The following GRHL2 variants were observed in gnomAD, a reference collection of about 807,000 sequenced individuals.
The protein encoded by GRHL2 is grainyhead-like protein 2 homolog.
A neutral mutation model predicts 83.8 loss-of-function variants in GRHL2; 21 were observed. That is an observed-to-expected ratio of 0.25 (90% CI 0.18 to 0.36). The LOEUF is 0.36. Ranked by LOEUF, GRHL2 falls within the 10% of genes least tolerant of loss-of-function variation. GRHL2 has a pLI of 1.00. For synonymous variants in GRHL2, 280 were observed against 278.9 expected, an observed-to-expected ratio of 1.00 and a Z score of -0.04; for missense variants, 623 against 781.8, an observed-to-expected ratio of 0.80 and a Z score of 2.42.
intron 4 of GRHL2, among the ~76,000 whole-genome samples, chr8:101,564,282 G>C (rs1255605445): frequency 6.6e-6 from 1 of 152,158 alleles, no homozygotes; most frequent in Non-Finnish European, 1.5e-5. Context: ...AGTGATTTCA[G>C]AGTAATTTCA....
chr8:101,644,999 C>T (rs1813480977), intron 13 of GRHL2, among the ~76,000 whole-genome samples: 3 of 152,138 alleles, frequency 2.0e-5, no homozygotes, highest in Non-Finnish European at 4.4e-5. Flanking sequence ...AGGCATGCAC[C>T]ACCATGTCTG....
At chr8:101,662,505 G>C (rs904835658) in intron 14 of GRHL2, among the ~76,000 whole-genome samples, 1 of 152,168 alleles carries the variant, frequency 6.6e-6, no homozygotes, top group African/African-American at 2.4e-5. Flanking sequence ...CTCTGCTCTA[G>C]ACCTCTTCAG....
In GRHL2 at chr8:101,612,568, G is replaced by A. The variant is rs1292701257; in HGVS notation, c.1099-6971G>A. ...ACATACATACATAGATATTGATGAA[G>A]ATATTCATGCTGAATATATAGTTGA... On this transcript the variant is annotated intron_variant, in intron 8 of 15. Coordinates refer to ENST00000646743, the MANE Select transcript of GRHL2 (RefSeq NM_024915.4). Among the ~76,000 whole-genome samples, 2 of 143,666 alleles carry A rather than the reference G, an allele frequency of 1.4e-5. 1 individual carries two copies. The highest frequency in any genetic ancestry group is 5.2e-5 in the African/African-American group (2 of 38,526). The allele number at this position is 143,666 out of a possible 152,430, so 94.3% of individuals were successfully genotyped here.
At position 101,558,657 on chromosome 8, in the gene GRHL2, C is replaced by A. The variant is rs1312356038; in HGVS notation, c.523C>A (p.Pro175Thr). The A allele has an allele frequency of 6.2e-7, 1 of 1,614,176 alleles. No homozygotes were observed. The highest frequency in any genetic ancestry group is 2.2e-5 in the East Asian group (1 of 44,880). Reference protein sequence around the residue: ...PVFMAPPVHYPRGDGEEQRVV... With the variant: ...PVFMAPPVHYTRGDGEEQRVV... ...TTTCATGGCCCCACCTGTGCACTAT[C>A]CCCGGGGAGATGGGGAAGAGCAACG... is the stretch of plus-strand genomic sequence containing the variant. Residue 175 changes from proline (P) to threonine (T), a missense_variant, in exon 4 of 16, where the codon CCC becomes ACC. By Grantham distance (38) the Pro-to-Thr change is conservative (BLOSUM62 -1). This residue lies in a region of GRHL2 where 239 missense variants were observed against 240.5 expected (regional missense o/e 0.99). Transcript: ENST00000646743.
chr8:101,652,425 G>GT (rs1714942746), intron 14 of GRHL2, among the ~76,000 whole-genome samples: 1 of 59,226 alleles, frequency 1.7e-5, no homozygotes, highest in Non-Finnish European at 3.1e-5. Flanking sequence ...GTGTGTGTGT[G>GT]GTGTGTGTGT....
At chr8:101,638,740 T>A (rs895519481) in intron 12 of GRHL2, among the ~76,000 whole-genome samples, 1 of 152,224 alleles carries the variant, frequency 6.6e-6, no homozygotes, top group Admixed American at 6.5e-5. Context: ...CTTTTTATCT[T>A]GGCACATAGA....
intron 8 of GRHL2, among the ~76,000 whole-genome samples, chr8:101,600,714 A>G (rs920158813): frequency 2.6e-5 from 4 of 152,222 alleles, no homozygotes; most frequent in Non-Finnish European, 5.9e-5. Context: ...TGCAGCCAGC[A>G]TCATGCTGAG....
At chr8:101,510,104 C>T (rs1398478314) in intron 1 of GRHL2, among the ~76,000 whole-genome samples, 1 of 152,154 alleles carries the variant, frequency 6.6e-6, no homozygotes, top group Non-Finnish European at 1.5e-5. Flanking sequence ...GATCTTCCCA[C>T]CTCAACCTCT....
chr8:101,580,982 C>A (rs890106554), intron 7 of GRHL2, among the ~76,000 whole-genome samples: 3 of 152,208 alleles, frequency 2.0e-5, no homozygotes, highest in Non-Finnish European at 4.4e-5. Context: ...GGATTATAGG[C>A]GTAAGCCACT....
intron 1 of GRHL2, among the ~76,000 whole-genome samples, chr8:101,506,986 G>A (rs906038688): frequency 2.0e-5 from 3 of 152,154 alleles, no homozygotes; most frequent in Non-Finnish European, 4.4e-5. Flanking sequence ...GAGGGAACTT[G>A]GCTGAGGGGG....
intron 7 of GRHL2, among the ~76,000 whole-genome samples, chr8:101,589,198 T>G (rs184803052): frequency 6.6e-6 from 1 of 152,360 alleles, no homozygotes; most frequent in Admixed American, 6.5e-5. Context: ...AAGCACAGTT[T>G]GCATTTTCAT....
Position 101,521,820 on chromosome 8 carries a change from A to G in GRHL2, c.21-21421A>G, listed in dbSNP as rs900619407. Among the ~76,000 whole-genome samples the G allele has an allele frequency of 2.9e-4, 44 of 152,254 alleles. 1 individual carries two copies. Among genetic ancestry groups the G allele is most frequent in the Non-Finnish European group, 6.2e-4 (42 of 68,050 alleles). On this transcript the variant is annotated intron_variant, in intron 1 of 15. Coordinates refer to ENST00000646743, the MANE Select transcript of GRHL2 (RefSeq NM_024915.4). ...AATGTAATTTTTTGTTAGCTTTTAG[A>G]GAACGCTGTGGTAATAAGCTGACTT...
chr8:101,658,357 C>T (rs758896630), intron 14 of GRHL2, among the ~76,000 whole-genome samples: 2 of 152,200 alleles, frequency 1.3e-5, no homozygotes, highest in Non-Finnish European at 2.9e-5. Context: ...AATTCTGTCT[C>T]TGCCACTTAC....
rs1814143844 is a variant in GRHL2 at position 101,669,032 on chromosome 8, C to G, written c.*2329C>G. On this transcript the variant is annotated 3_prime_UTR_variant, in exon 16 of 16. Coordinates refer to ENST00000646743, the MANE Select transcript of GRHL2 (RefSeq NM_024915.4). ...GAGGGTGGTGCCAAGTGCCACATCC[C>G]TTCCGATCCATTCCCCTCTGCATCC... 2 of 152,204 alleles carry G rather than the reference C, an allele frequency of 1.3e-5. No homozygotes were observed. The allele number at this position is 152,204 out of a possible 1,614,324, so 9.4% of individuals were successfully genotyped here.
At chr8:101,546,370 A>T (rs934908156) in intron 2 of GRHL2, among the ~76,000 whole-genome samples, 2 of 151,718 alleles carry the variant, frequency 1.3e-5, no homozygotes, top group Admixed American at 1.3e-4. Context: ...TTTTTGTGTT[A>T]GTGAGAAAGA....
chr8:101,657,944 TAGAA>T (rs1161398612), intron 14 of GRHL2, among the ~76,000 whole-genome samples: 1 of 152,112 alleles, frequency 6.6e-6, no homozygotes, highest in Non-Finnish European at 1.5e-5. Context: ...TTTCCATTCA[TAGAA>T]GGAAGGATTG....
intron 14 of GRHL2, among the ~76,000 whole-genome samples, chr8:101,652,588 C>CA (rs1813692307): frequency 5.6e-5 from 1 of 17,944 alleles, no homozygotes; most frequent in East Asian, 1.4e-3. Flanking sequence ...TGTGTGGTGT[C>CA]TGTGTGTGTG....
intron 8 of GRHL2, among the ~76,000 whole-genome samples, chr8:101,608,022 G>T (rs1812665657): frequency 6.6e-6 from 1 of 152,208 alleles, no homozygotes; most frequent in Admixed American, 6.5e-5. Context: ...ATTGTGCAGA[G>T]AATTAGATTG....
At chr8:101,625,225 G>A (rs1002024122) in intron 9 of GRHL2, among the ~76,000 whole-genome samples, 1 of 152,044 alleles carries the variant, frequency 6.6e-6, no homozygotes, top group East Asian at 1.9e-4. Context: ...AGAGGGGGAA[G>A]AATTGAATAG....
Sources: gnomAD v4.1 joint callset for allele counts (sites outside exome capture counted in the v4.1 genomes callset) on GRCh38, gnomAD v4.1.1 for gene constraint, gnomAD v4.1.1 regional missense constraint, MANE v1.5 for transcripts, NCBI Gene and HGNC (gene_info 2026-07-23, HGNC 2026-07-21) for gene names.